ZFHX3: variants seen among roughly 807,000 people sequenced by gnomAD.
ZFHX3 encodes zinc finger homeobox 3.
In ZFHX3, 42 loss-of-function variants were observed where a neutral mutation model predicts 279.1. That is an observed-to-expected ratio of 0.15 (90% CI 0.12 to 0.19). The LOEUF is 0.19. Among genes scored for constraint, ZFHX3 ranks in the 10% least tolerant of loss-of-function variants. ZFHX3 has a pLI of 1.00. For synonymous variants in ZFHX3, 2,293 were observed against 1,957.8 expected (o/e 1.17, Z -4.52); for missense variants, 4,981 against 4,754.0 (o/e 1.05, Z -1.40).
At chr16:73,812,631 G>C (rs1960456495) in intron 1 of ZFHX3, 2 of 152,242 alleles carry the variant, frequency 1.3e-5, no homozygotes, top group South Asian at 4.1e-4. Flanking sequence ...GGAATTGAAG[G>C]TTTAACCCTG....
chr16:73,057,376 G>T (rs1448875876), intron 1 of ZFHX3, among the ~76,000 whole-genome samples: 1 of 152,064 alleles, frequency 6.6e-6, no homozygotes, highest in Non-Finnish European at 1.5e-5. Flanking sequence ...TATATACACT[G>T]CATGAAATAC....
intron 4 of ZFHX3, among the ~76,000 whole-genome samples, chr16:72,846,558 C>A (rs987750515): frequency 6.6e-6 from 1 of 152,228 alleles, no homozygotes; most frequent in African/African-American, 2.4e-5. Context: ...CACATATGGT[C>A]CTGAGACCCA....
intron 4 of ZFHX3, among the ~76,000 whole-genome samples, chr16:73,263,590 G>C (rs1031020464): frequency 6.6e-6 from 1 of 152,106 alleles, no homozygotes; most frequent in African/African-American, 2.4e-5. Context: ...AGCAGCTTCT[G>C]TTTCTGCCTG....
intron 6 of ZFHX3, among the ~76,000 whole-genome samples, chr16:73,136,260 AAGG>A (rs1370556511): frequency 6.6e-6 from 1 of 152,118 alleles, no homozygotes; most frequent in East Asian, 1.9e-4. Context: ...CACAGTAAAC[AAGG>A]AGATCTTGGG....
At chr16:73,101,889 G>A (rs1966236257) in intron 7 of ZFHX3, among the ~76,000 whole-genome samples, 1 of 147,118 alleles carries the variant, frequency 6.8e-6, no homozygotes, top group African/African-American at 2.5e-5. Flanking sequence ...TACCTCTTCA[G>A]TAATATTTCT....
rs1967707134 is a variant in ZFHX3 at position 73,178,144 on chromosome 16, T to G, written c.-1103-34313A>C. Reference sequence around the variant, plus strand: ...ACACCATCCTTCAAAATTCTAAATGTGGATGACTTTTTCTTTTTTTTTTGA... The same window carrying G: ...ACACCATCCTTCAAAATTCTAAATGGGGATGACTTTTTCTTTTTTTTTTGA... On this transcript the variant is annotated intron_variant, in intron 5 of 17. Coordinates refer to the ZFHX3 transcript ENST00000641206. 2.6e-5 allele frequency among the ~76,000 whole-genome samples: 4 copies of G among 152,062 alleles called. No homozygotes were observed. In the South Asian group the frequency reaches 8.3e-4, roughly 31 times the overall value.
chr16:73,777,473 C>A (rs939196577), intron 1 of ZFHX3, among the ~76,000 whole-genome samples: 7 of 130,174 alleles, frequency 5.4e-5, no homozygotes, highest in African/African-American at 2.0e-4. Context: ...CACGCCACTG[C>A]GCTCCAGCCT....
intron 3 of ZFHX3, among the ~76,000 whole-genome samples, chr16:73,374,591 A>G (rs1424125970): frequency 6.6e-6 from 1 of 152,214 alleles, no homozygotes; most frequent in Non-Finnish European, 1.5e-5. Context: ...GCAATATTCA[A>G]ATTTCTCTGA....
chr16:73,786,091 G>A (rs1016963570), intron 1 of ZFHX3, among the ~76,000 whole-genome samples: 4 of 151,922 alleles, frequency 2.6e-5, no homozygotes, highest in African/African-American at 7.3e-5. Context: ...GGCTGGTCTC[G>A]AACTCCCGAC....
chr16:72,871,345 T>A (rs1329156699), intron 4 of ZFHX3, among the ~76,000 whole-genome samples: 1 of 149,326 alleles, frequency 6.7e-6, no homozygotes, highest in Admixed American at 6.7e-5. Flanking sequence ...CCGGCTAATT[T>A]TTTTTTTTTT....
At chr16:73,669,990 C>T (rs1207822410) in intron 2 of ZFHX3, among the ~76,000 whole-genome samples, 2 of 152,132 alleles carry the variant, frequency 1.3e-5, no homozygotes, top group African/African-American at 4.8e-5. Context: ...TAAGTTTTAT[C>T]GAAGATTAAA....
At chr16:73,848,356 GCT>G (rs1961505138) in intron 1 of ZFHX3, among the ~76,000 whole-genome samples, 1 of 152,024 alleles carries the variant, frequency 6.6e-6, no homozygotes, top group Admixed American at 6.6e-5. Flanking sequence ...TAGGCAATAA[GCT>G]GTTATGAAAC....
chr16:72,883,606 A>G (rs1016015575), intron 4 of ZFHX3, among the ~76,000 whole-genome samples: 3 of 152,250 alleles, frequency 2.0e-5, no homozygotes, highest in African/African-American at 7.2e-5. Context: ...ATTTAACAAC[A>G]TTATGTTCTC....
intron 2 of ZFHX3, among the ~76,000 whole-genome samples, chr16:73,589,413 G>A (rs1192891147): frequency 1.4e-5 from 2 of 144,962 alleles, no homozygotes; most frequent in African/African-American, 5.1e-5. Context: ...TCTAAACTGG[G>A]CAGCAGAGCA....
intron 1 of ZFHX3, among the ~76,000 whole-genome samples, chr16:73,721,291 T>A (rs921427374): frequency 2.6e-5 from 4 of 152,068 alleles, no homozygotes; most frequent in Non-Finnish European, 5.9e-5. Flanking sequence ...CCAGCTAATT[T>A]TTGTATTTTT....
At chr16:72,899,414 C>T (rs1229614440) in intron 3 of ZFHX3, among the ~76,000 whole-genome samples, 2 of 152,190 alleles carry the variant, frequency 1.3e-5, no homozygotes, top group Non-Finnish European at 2.9e-5. Context: ...GTTTGCTCCC[C>T]TTTCCATCAT....
At chr16:73,557,525 C>T (rs2020305868) in intron 2 of ZFHX3, among the ~76,000 whole-genome samples, 1 of 152,094 alleles carries the variant, frequency 6.6e-6, no homozygotes, top group Admixed American at 6.5e-5. Flanking sequence ...TGAAGATATG[C>T]TAAACAAGGG....
intron 4 of ZFHX3, among the ~76,000 whole-genome samples, chr16:73,280,050 G>A (rs1429788403): frequency 6.6e-6 from 1 of 152,060 alleles, no homozygotes; most frequent in Non-Finnish European, 1.5e-5. Context: ...ATGATGTTGG[G>A]GGAACTGGAC....
At chr16:72,925,281 T>C (rs1198559989) in intron 3 of ZFHX3, among the ~76,000 whole-genome samples, 1 of 152,218 alleles carries the variant, frequency 6.6e-6, no homozygotes, top group Non-Finnish European at 1.5e-5. Flanking sequence ...TTGCCCACCG[T>C]CAATGCAGCT....
Sources: gnomAD v4.1 joint callset for allele counts (sites outside exome capture counted in the v4.1 genomes callset) on GRCh38, gnomAD v4.1.1 for gene constraint, MANE v1.5 for transcripts, NCBI Gene and HGNC (gene_info 2026-07-23, HGNC 2026-07-21) for gene names.